The following CLIP1 variants were observed in gnomAD, a reference collection of about 807,000 sequenced individuals.
CLIP1 encodes the protein CAP-Gly domain-containing linker protein 1.
Under a neutral mutation model 161.6 loss-of-function variants are expected in CLIP1, and 66 were observed. The observed-to-expected ratio is 0.41, with a 90% confidence interval of 0.33 to 0.50. CLIP1 has a LOEUF of 0.50. Among genes scored for constraint, CLIP1 ranks in the 20% least tolerant of loss-of-function variants. The pLI is 0.27. For synonymous variants in CLIP1, 598 were observed against 626.2 expected (o/e 0.96, Z 0.67); for missense variants, 1,376 against 1,702.0 (o/e 0.81, Z 3.37).
intron 21 of CLIP1, among the ~76,000 whole-genome samples, chr12:122,282,920 C>T (rs1455320161): frequency 6.6e-6 from 1 of 152,072 alleles, no homozygotes; most frequent in East Asian, 1.9e-4. Context: ...GTAGCGCAAG[C>T]TCGGAGACAG....
chr12:122,386,593 T>C (rs1038510778), intron 1 of CLIP1, among the ~76,000 whole-genome samples: 3 of 152,286 alleles, frequency 2.0e-5, no homozygotes, highest in African/African-American at 7.2e-5. Context: ...CCAAAGAGAA[T>C]AGTGTCTTTT....
chr12:122,302,074 C>T (rs540568627), intron 20 of CLIP1, among the ~76,000 whole-genome samples: 13 of 151,838 alleles, frequency 8.6e-5, no homozygotes, highest in South Asian at 4.2e-4. Context: ...TTGATTTTTC[C>T]GCCTGGGCAC....
chr12:122,384,806 C>CT (rs200917118), intron 1 of CLIP1, among the ~76,000 whole-genome samples: 2,775 of 140,046 alleles, frequency 0.02, 58 homozygotes, highest in African/African-American at 0.046. Context: ...TCTCCAGTTT[C>CT]TTTTTTTTTT....
At chr12:122,291,516 A>G (rs1438001297) in intron 20 of CLIP1, among the ~76,000 whole-genome samples, 1 of 152,098 alleles carries the variant, frequency 6.6e-6, no homozygotes, top group African/African-American at 2.4e-5. Context: ...CTTGTCTTTT[A>G]TGGCCTTGAC....
chr12:122,301,162 G>C (rs1593014138), intron 20 of CLIP1, among the ~76,000 whole-genome samples: 2 of 152,232 alleles, frequency 1.3e-5, no homozygotes, highest in South Asian at 2.1e-4. Flanking sequence ...ACTGAATCCT[G>C]AATTAAAAAA....
At chr12:122,348,965 C>T (rs570247106) in intron 9 of CLIP1, among the ~76,000 whole-genome samples, 87 of 152,182 alleles carry the variant, frequency 5.7e-4, no homozygotes, top group African/African-American at 2.0e-3. Flanking sequence ...ATCGACAAAC[C>T]ATGATGAGAT....
At chr12:122,330,681 C>T (rs936647617) in intron 15 of CLIP1, among the ~76,000 whole-genome samples, 8 of 149,014 alleles carry the variant, frequency 5.4e-5, no homozygotes, top group Non-Finnish European at 8.9e-5. Flanking sequence ...CTCACGGCAC[C>T]CTCTGCCTCC....
Position 122,310,563 on chromosome 12 carries a change from T to G in CLIP1, c.3474-681A>C, listed in dbSNP as rs1050888734. ...CTAACTTATACCGTGAATATCAGCATAGAAAAAATGAACAGGATAGGTATA... is the reference window on the plus strand; with the variant it reads ...CTAACTTATACCGTGAATATCAGCAGAGAAAAAATGAACAGGATAGGTATA... On this transcript the variant is annotated intron_variant, in intron 19 of 25. Transcript: ENST00000620786. Among the ~76,000 whole-genome samples the G allele has an allele frequency of 6.6e-5, 10 of 152,340 alleles. 1 individual carries two copies. The highest frequency in any genetic ancestry group is 6.5e-4 in the Admixed American group (10 of 15,304).
chr12:122,276,470 C>A (rs1465779910), intron 24 of CLIP1: 1 of 1,288,740 alleles, frequency 7.8e-7, no homozygotes, highest in Non-Finnish European at 1.0e-6. Flanking sequence ...GTGTTGTCAG[C>A]AGCAGATGAA....
chr12:122,372,727 C>G (rs780953563), intron 3 of CLIP1, among the ~76,000 whole-genome samples: 1 of 152,096 alleles, frequency 6.6e-6, no homozygotes, highest in Non-Finnish European at 1.5e-5. Flanking sequence ...GGGCTTTTAA[C>G]TAAATGTGAC....
At chr12:122,316,684 C>A in intron 19 of CLIP1, 65 bp downstream of exon 19, 1 of 971,254 alleles carries the variant, frequency 1.0e-6, no homozygotes, top group Non-Finnish European at 1.5e-6. Context: ...AAGTAATTAG[C>A]ATTGTGTTCA....
chr12:122,385,586 A>T (rs1955220804), intron 1 of CLIP1, among the ~76,000 whole-genome samples: 1 of 152,180 alleles, frequency 6.6e-6, no homozygotes, highest in Non-Finnish European at 1.5e-5. Context: ...CTGAGTATTG[A>T]AAGGACTGCT....
chr12:122,415,772 T>C (rs1956733985), intron 1 of CLIP1, among the ~76,000 whole-genome samples: 1 of 151,318 alleles, frequency 6.6e-6, no homozygotes, highest in Non-Finnish European at 1.5e-5. Flanking sequence ...TGAGCTAAGA[T>C]CGTGCCACTG....
chr12:122,358,269 C>T (rs1257079366), intron 5 of CLIP1, among the ~76,000 whole-genome samples: 2 of 151,270 alleles, frequency 1.3e-5, no homozygotes, highest in Admixed American at 6.6e-5. Context: ...TCACCACTCC[C>T]TAATCTCAAG....
chr12:122,364,752 G>A lies in CLIP1; in HGVS notation c.658-645C>T, dbSNP rs1417088170. On this transcript the variant is annotated intron_variant, in intron 3 of 25. Coordinates refer to ENST00000620786, the MANE Select transcript of CLIP1 (RefSeq NM_001247997.2). ...AATGTTCCTGCTTCGCCTTTCGGCC[G>A]GAACCGCCATCTTCCAGTAATTCGC... The A allele has an allele frequency of 1.8e-5, 12 of 671,570 alleles. No homozygotes were observed. The Admixed American group carries it at 1.8e-4, about 10-fold the overall frequency. The allele number at this position is 671,570 out of a possible 1,614,324, so 41.6% of individuals were successfully genotyped here.
intron 20 of CLIP1, among the ~76,000 whole-genome samples, chr12:122,303,989 G>A (rs1282224969): frequency 2.0e-5 from 3 of 152,164 alleles, no homozygotes; most frequent in Non-Finnish European, 4.4e-5. Context: ...GTTCCTGAGG[G>A]GGTACCCGCC....
In CLIP1 at chr12:122,377,566, G is replaced by A. The variant is rs1205845496; in HGVS notation, c.480C>T (p.Ser160=). 4 of 1,613,960 alleles carry A rather than the reference G, an allele frequency of 2.5e-6. No homozygotes were observed. Among genetic ancestry groups the A allele is most frequent in the East Asian group, 2.2e-5 (1 of 44,846 alleles). ...CTSTASMVSS[S]PSTPSNIPQK... is the part of the protein sequence containing the mutation. Reference sequence around the variant, plus strand: ...GAGGGATGTTTGAAGGGGTGGAGGGGGAGGAAGACACCATGCTGGCCGTAG... The same window carrying A: ...GAGGGATGTTTGAAGGGGTGGAGGGAGAGGAAGACACCATGCTGGCCGTAG... Residue 160 remains serine, a synonymous_variant, in exon 3 of 26, where the codon TCC becomes TCT. Coordinates refer to ENST00000620786, the MANE Select transcript of CLIP1 (RefSeq NM_001247997.2).
chr12:122,399,671 T>C (rs1442002397), intron 1 of CLIP1: 1 of 152,128 alleles, frequency 6.6e-6, no homozygotes, highest in African/African-American at 2.4e-5. Context: ...AACACCAAGC[T>C]TCCAGAAACA....
chr12:122,392,059 C>A (rs1160208364), intron 1 of CLIP1, among the ~76,000 whole-genome samples: 1 of 152,110 alleles, frequency 6.6e-6, no homozygotes, highest in Non-Finnish European at 1.5e-5. Flanking sequence ...TTGCTTAAGT[C>A]CAGGAGTTTG....
Sources: gnomAD v4.1 joint callset for allele counts (sites outside exome capture counted in the v4.1 genomes callset) on GRCh38, gnomAD v4.1.1 for gene constraint, MANE v1.5 for transcripts, NCBI Gene and HGNC (gene_info 2026-07-23, HGNC 2026-07-21) for gene names.